Variants in SORCS3 observed in about 807,000 individuals in gnomAD.
The protein encoded by SORCS3 is sortilin related VPS10 domain containing receptor 3.
Under a neutral mutation model 146.3 loss-of-function variants are expected in SORCS3, and 57 were observed. The observed-to-expected ratio is 0.39, with a 90% confidence interval of 0.31 to 0.49. The LOEUF (loss-of-function observed/expected upper bound fraction) is 0.49, where lower values mean the gene tolerates loss of function less well. SORCS3 is among the 20% of genes least tolerant of loss of function. The pLI, the probability that SORCS3 is intolerant of heterozygous loss-of-function variation, is 0.92. For synonymous variants in SORCS3, 653 were observed against 618.5 expected, an observed-to-expected ratio of 1.06 and a Z score of -0.83; for missense variants, 1,341 against 1,575.5, an observed-to-expected ratio of 0.85 and a Z score of 2.52.
intron 6 of SORCS3, among the ~76,000 whole-genome samples, chr10:105,100,181 G>A (rs1220928642): frequency 6.6e-6 from 1 of 152,168 alleles, no homozygotes; most frequent in Non-Finnish European, 1.5e-5. Context: ...TCTATTCCTG[G>A]TGCAGGGAAC....
chr10:105,045,244 A>G (rs552195810), intron 5 of SORCS3, among the ~76,000 whole-genome samples: 4 of 152,096 alleles, frequency 2.6e-5, no homozygotes, highest in Non-Finnish European at 5.9e-5. Context: ...GAGCAAGAGG[A>G]GAAGGTTCTA....
rs535738357 is a variant in SORCS3, at chr10:104,975,169, T to G, written c.796-2166T>G. Among the ~76,000 whole-genome samples, 460 of 152,248 alleles carry G rather than the reference T, an allele frequency of 3.0e-3. 2 individuals are homozygous for G. The highest frequency in any genetic ancestry group is 0.018 in the South Asian group (88 of 4,830). ...TGTATATCTAGAAAACCCCATTGTC[T>G]CAGCCCAAAATCTCCTTAAGCTGAT... is the stretch of plus-strand genomic sequence containing the variant. On this transcript the variant is annotated intron_variant, in intron 3 of 26. Coordinates refer to ENST00000369701, the MANE Select transcript of SORCS3 (RefSeq NM_014978.3).
At chr10:104,930,213 G>A (rs1040231910) in intron 3 of SORCS3, among the ~76,000 whole-genome samples, 2 of 152,160 alleles carry the variant, frequency 1.3e-5, no homozygotes, top group Non-Finnish European at 2.9e-5. Context: ...GGTAAATACT[G>A]TTATTCTTAA....
chr10:104,805,167 G>C (rs758893287), intron 1 of SORCS3, among the ~76,000 whole-genome samples: 3 of 152,206 alleles, frequency 2.0e-5, no homozygotes, highest in Admixed American at 1.3e-4. Flanking sequence ...GAAGGAAGGA[G>C]ACATGTACAC....
At chr10:105,016,568 TAAC>T (rs935288535) in intron 4 of SORCS3, among the ~76,000 whole-genome samples, 6 of 152,068 alleles carry the variant, frequency 3.9e-5, no homozygotes, top group African/African-American at 7.2e-5. Context: ...CTAAAAGCAG[TAAC>T]AACAACAACA....
At chr10:104,952,451 T>C (rs2019442446) in intron 3 of SORCS3, among the ~76,000 whole-genome samples, 2 of 152,064 alleles carry the variant, frequency 1.3e-5, no homozygotes, top group African/African-American at 4.8e-5. Flanking sequence ...ATTTGTATTT[T>C]AGTAAGATAT....
chr10:104,703,890 G>A (rs927275701), intron 1 of SORCS3, among the ~76,000 whole-genome samples: 3 of 152,004 alleles, frequency 2.0e-5, no homozygotes, highest in African/African-American at 7.2e-5. Flanking sequence ...GAGTGTAGGA[G>A]GATTCATTTT....
At chr10:104,821,442 G>T (rs2017871982) in intron 1 of SORCS3, among the ~76,000 whole-genome samples, 1 of 152,080 alleles carries the variant, frequency 6.6e-6, no homozygotes, top group Non-Finnish European at 1.5e-5. Context: ...ACATTCCTGG[G>T]GACACCGGTG....
intron 20 of SORCS3, among the ~76,000 whole-genome samples, chr10:105,237,563 A>G (rs1371438590): frequency 3.3e-5 from 5 of 152,170 alleles, no homozygotes; most frequent in Admixed American, 6.6e-5. Context: ...CTATTTGCTA[A>G]CACCATGCCA....
chr10:105,195,907 C>G (rs933245465), intron 14 of SORCS3, among the ~76,000 whole-genome samples: 6 of 152,160 alleles, frequency 3.9e-5, no homozygotes, highest in African/African-American at 1.4e-4. Context: ...AGGAAACTAG[C>G]ACACTCCTGA....
intron 2 of SORCS3, among the ~76,000 whole-genome samples, chr10:104,891,158 G>C (rs1280033476): frequency 6.6e-6 from 1 of 152,178 alleles, no homozygotes; most frequent in Non-Finnish European, 1.5e-5. Flanking sequence ...GAAGTTTTCT[G>C]AGGTATTCTA....
intron 5 of SORCS3, among the ~76,000 whole-genome samples, chr10:105,059,377 C>T (rs533388897): frequency 2.0e-5 from 3 of 152,136 alleles, no homozygotes; most frequent in Non-Finnish European, 4.4e-5. Context: ...TAAAATGCTT[C>T]ATAACTGTAA....
chr10:105,177,268 A>G (rs1200980419), intron 13 of SORCS3, among the ~76,000 whole-genome samples: 2 of 152,192 alleles, frequency 1.3e-5, no homozygotes, highest in African/African-American at 4.8e-5. Context: ...AGAGGATCCT[A>G]TGATAGAGGA....
intron 4 of SORCS3, among the ~76,000 whole-genome samples, chr10:104,998,795 C>T (rs2055041834): frequency 6.6e-6 from 1 of 152,086 alleles, no homozygotes; most frequent in African/African-American, 2.4e-5. Flanking sequence ...ATCATCGGCC[C>T]TTGAGTAATA....
chr10:104,652,147 A>C (rs922456647), intron 1 of SORCS3, among the ~76,000 whole-genome samples: 1 of 152,096 alleles, frequency 6.6e-6, no homozygotes, highest in African/African-American at 2.4e-5. Flanking sequence ...TGATTTAAAA[A>C]AATGGAAAAT....
chr10:105,057,363 C>A (rs2055452711), intron 5 of SORCS3, among the ~76,000 whole-genome samples: 1 of 152,008 alleles, frequency 6.6e-6, no homozygotes, highest in South Asian at 2.1e-4. Flanking sequence ...CTAGAATGGT[C>A]TTTTCATTTC....
At chr10:105,225,446 T>TG (rs1326968546) in intron 20 of SORCS3, among the ~76,000 whole-genome samples, 1 of 151,880 alleles carries the variant, frequency 6.6e-6, no homozygotes, top group African/African-American at 2.4e-5. Flanking sequence ...TCTGTTTTCC[T>TG]GTTTTTTTTC....
intron 20 of SORCS3, among the ~76,000 whole-genome samples, chr10:105,239,561 A>G (rs916884397): frequency 2.6e-5 from 4 of 152,130 alleles, no homozygotes; most frequent in Non-Finnish European, 5.9e-5. Context: ...CCTGTCGCAC[A>G]TGAGGGATTC....
chr10:104,974,539 G>A (rs556364522), intron 3 of SORCS3, among the ~76,000 whole-genome samples: 51 of 151,598 alleles, frequency 3.4e-4, no homozygotes, highest in Non-Finnish European at 5.7e-4. Flanking sequence ...TTTGTTTTCC[G>A]TTTGCTTGGT....
Sources: allele counts gnomAD v4.1 joint callset (sites outside exome capture counted in the v4.1 genomes callset), GRCh38; gene constraint gnomAD v4.1.1; transcripts MANE v1.5; gene names NCBI Gene and HGNC (gene_info 2026-07-23, HGNC 2026-07-21).